MFSD11: variants seen among roughly 807,000 people sequenced by gnomAD.
MFSD11 encodes the protein UNC93-like protein MFSD11.
MFSD11 carries 36 observed loss-of-function variants against 53.5 expected under a neutral mutation model. The ratio of observed to expected loss-of-function variants is 0.67; its 90% CI spans 0.52 to 0.89. MFSD11 has a LOEUF of 0.89. MFSD11 is among the 40% of genes least tolerant of loss of function. The pLI, the probability that MFSD11 is intolerant of heterozygous loss-of-function variation, is 0.00. For synonymous variants in MFSD11, 186 were observed against 184.9 expected (o/e 1.01, Z -0.05); for missense variants, 530 against 543.9 (o/e 0.97, Z 0.25).
intron 11 of MFSD11, 84 bp downstream of exon 11, chr17:76,775,255 C>G: frequency 7.7e-7 from 1 of 1,304,302 alleles, no homozygotes; most frequent in South Asian, 1.4e-5. Context: ...AGCAGTTAAT[C>G]CTCTTCAGAG....
At chr17:76,737,531 G>A (rs955643794), upstream of MFSD11, 7 of 286,636 alleles carry the variant, frequency 2.4e-5, no homozygotes, top group Middle Eastern at 9.7e-4. Flanking sequence ...TGGAGGGAGG[G>A]GGAGCGGAAT....
the MFSD11 span, among the ~76,000 whole-genome samples, chr17:76,786,550 C>T: frequency 6.6e-6 from 1 of 152,282 alleles, no homozygotes; most frequent in Non-Finnish European, 1.5e-5. Flanking sequence ...AGGAAAAGGA[C>T]TCAGCAGAGC....
chr17:76,786,734 AG>A, the MFSD11 span, among the ~76,000 whole-genome samples: 1 of 152,228 alleles, frequency 6.6e-6, no homozygotes, highest in Non-Finnish European at 1.5e-5. Flanking sequence ...CTGGTCACAT[AG>A]GCAGCCTCTG....
intron 8 of MFSD11, among the ~76,000 whole-genome samples, chr17:76,755,812 A>ATATATAAATAT (rs1555669398): frequency 5.1e-5 from 1 of 19,542 alleles, no homozygotes; most frequent in African/African-American, 1.6e-4. Flanking sequence ...ATATATATAT[A>ATATATAAATAT]TTTTTTTTTT....
chr17:76,751,250 C>T (rs1034037455), intron 7 of MFSD11, among the ~76,000 whole-genome samples: 11 of 151,608 alleles, frequency 7.3e-5, no homozygotes, highest in East Asian at 3.9e-4. Flanking sequence ...ATTAGCCAGG[C>T]GTAGTGGCAG....
downstream of MFSD11, among the ~76,000 whole-genome samples, chr17:76,782,850 T>G (rs1238592749): frequency 1.3e-5 from 2 of 152,074 alleles, no homozygotes; most frequent in East Asian, 3.9e-4. Flanking sequence ...AACATTAAGG[T>G]CATCTTTTAA....
intron 4 of MFSD11, 64 bp downstream of exon 4, chr17:76,742,112 A>G: frequency 1.2e-6 from 2 of 1,613,714 alleles, no homozygotes; most frequent in South Asian, 1.1e-5. Context: ...GGTATTATTT[A>G]TGTGTTTAGT....
chr17:76,782,766 A>G (rs568488006), downstream of MFSD11, among the ~76,000 whole-genome samples: 121 of 151,834 alleles, frequency 8.0e-4, no homozygotes, highest in South Asian at 0.013. Context: ...GCTTGAGCCC[A>G]CCACGCGGGG....
chr17:76,772,601 T>C (rs1487404285), intron 10 of MFSD11, among the ~76,000 whole-genome samples: 2 of 150,464 alleles, frequency 1.3e-5, no homozygotes, highest in Admixed American at 1.3e-4. Context: ...CACTGCAACC[T>C]TCGCTGCTGG....
intron 7 of MFSD11, among the ~76,000 whole-genome samples, chr17:76,746,996 C>T (rs190578006): frequency 2.2e-4 from 33 of 148,386 alleles, no homozygotes; most frequent in Admixed American, 5.9e-4. Context: ...GCAACCTCTG[C>T]CTCCCGGGTT....
chr17:76,753,836 T>C (rs753749787), intron 7 of MFSD11, among the ~76,000 whole-genome samples: 6 of 151,992 alleles, frequency 3.9e-5, no homozygotes, highest in African/African-American at 9.7e-5. Flanking sequence ...CAATAGTTGA[T>C]AGAGAGGTGC....
downstream of MFSD11, among the ~76,000 whole-genome samples, chr17:76,786,074 CAAA>C (rs35306490): frequency 1.3e-5 from 1 of 75,866 alleles, no homozygotes; most frequent in African/African-American, 3.6e-5. Context: ...GACTCCATCT[CAAA>C]AAAAAAAAAA....
At chr17:76,761,999 A>G (rs896528431) in intron 8 of MFSD11, among the ~76,000 whole-genome samples, 2 of 152,042 alleles carry the variant, frequency 1.3e-5, no homozygotes, top group Non-Finnish European at 1.5e-5. Flanking sequence ...AGTCAGTACA[A>G]TTTATTATAT....
At chr17:76,794,154 A>G in the MFSD11 span, among the ~76,000 whole-genome samples, 1 of 151,448 alleles carries the variant, frequency 6.6e-6, no homozygotes, top group Non-Finnish European at 1.5e-5. Flanking sequence ...CTATAGCAGC[A>G]GTAGCAAGCT....
upstream of MFSD11, chr17:76,737,494 G>A (rs1217717121): frequency 3.1e-6 from 1 of 325,042 alleles, no homozygotes; most frequent in East Asian, 4.8e-5. Flanking sequence ...AGCCCGGCGG[G>A]CGGGCCAAAA....
chr17:76,780,353 A>G (rs543322528), downstream of MFSD11, among the ~76,000 whole-genome samples: 2 of 151,824 alleles, frequency 1.3e-5, no homozygotes, highest in African/African-American at 2.4e-5. Flanking sequence ...AATTTTTAGT[A>G]GAGACAGAGT....
At chr17:76,784,553 C>T (rs78980936), downstream of MFSD11, among the ~76,000 whole-genome samples, 4,862 of 148,178 alleles carry the variant, frequency 0.033, 262 homozygotes, top group African/African-American at 0.11. Flanking sequence ...AATGGATAAA[C>T]AAAATGTGGT....
intron 7 of MFSD11, among the ~76,000 whole-genome samples, chr17:76,750,826 C>T (rs1461409178): frequency 2.1e-5 from 3 of 144,880 alleles, no homozygotes; most frequent in African/African-American, 7.7e-5. Flanking sequence ...TTTTTTGATA[C>T]GGAGTCTCGC....
downstream of MFSD11, among the ~76,000 whole-genome samples, chr17:76,779,971 G>A (rs1032961524): frequency 1.1e-4 from 17 of 152,286 alleles, no homozygotes; most frequent in Non-Finnish European, 2.5e-4. Context: ...TCATTTATGT[G>A]TCCTCCTCGA....
Sources: gnomAD v4.1 joint callset for allele counts (sites outside exome capture counted in the v4.1 genomes callset) on GRCh38, gnomAD v4.1.1 for gene constraint, MANE v1.5 for transcripts, NCBI Gene and HGNC (gene_info 2026-07-23, HGNC 2026-07-21) for gene names.